Variants in MGAT5 observed in about 807,000 individuals in gnomAD.
The protein encoded by MGAT5 is alpha-1,6-mannosylglycoprotein 6-beta-N-acetylglucosaminyltransferase A.
A neutral mutation model predicts 94.3 loss-of-function variants in MGAT5; 30 were observed. The ratio of observed to expected loss-of-function variants is 0.32; its 90% CI spans 0.24 to 0.43. MGAT5 has a LOEUF of 0.43. MGAT5 is among the 20% of genes least tolerant of loss of function. The pLI, the probability that MGAT5 is intolerant of heterozygous loss-of-function variation, is 1.00. For synonymous variants in MGAT5, 310 were observed against 322.9 expected, an observed-to-expected ratio of 0.96 and a Z score of 0.43; for missense variants, 691 against 905.5, an observed-to-expected ratio of 0.76 and a Z score of 3.04.
At chr2:134,255,227 T>G (rs1361978592) in intron 1 of MGAT5, among the ~76,000 whole-genome samples, 1 of 152,186 alleles carries the variant, frequency 6.6e-6, no homozygotes, top group African/African-American at 2.4e-5. Context: ...TGTGTACTTG[T>G]TGCTTTTTCT....
intron 1 of MGAT5, among the ~76,000 whole-genome samples, chr2:134,264,022 T>TG (rs1327725777): frequency 8.1e-6 from 1 of 122,812 alleles, no homozygotes; most frequent in African/African-American, 3.3e-5. Flanking sequence ...ATTAGGTTTT[T>TG]TTTTTTTTTT....
intron 1 of MGAT5, among the ~76,000 whole-genome samples, chr2:134,151,842 T>A (rs573446216): frequency 7.9e-6 from 1 of 126,512 alleles, no homozygotes; most frequent in Non-Finnish European, 1.6e-5. Flanking sequence ...ACTCACGCCC[T>A]ATGGGACCCG....
At chr2:134,204,845 C>A (rs1334482422) in intron 1 of MGAT5, among the ~76,000 whole-genome samples, 2 of 152,114 alleles carry the variant, frequency 1.3e-5, no homozygotes, top group Non-Finnish European at 2.9e-5. Flanking sequence ...CATCGACAAA[C>A]AATTAAGACT....
intron 1 of MGAT5, among the ~76,000 whole-genome samples, chr2:134,138,626 G>T (rs1686526309): frequency 6.6e-6 from 1 of 152,184 alleles, no homozygotes; most frequent in Admixed American, 6.5e-5. Flanking sequence ...ATGGTAGCTG[G>T]TGTACTGGGA....
intron 1 of MGAT5, among the ~76,000 whole-genome samples, chr2:134,233,560 G>T (rs1399961916): frequency 1.3e-5 from 2 of 152,262 alleles, no homozygotes; most frequent in African/African-American, 4.8e-5. Context: ...AACCACAACT[G>T]CTTTAGAATA....
At chr2:134,152,305 C>T (rs986709246) in intron 1 of MGAT5, among the ~76,000 whole-genome samples, 7 of 102,796 alleles carry the variant, frequency 6.8e-5, no homozygotes, top group African/African-American at 1.9e-4. Context: ...CCATGGGACC[C>T]GCTTATCACT....
chr2:134,231,968 A>G (rs1399495937), intron 1 of MGAT5, among the ~76,000 whole-genome samples: 1 of 152,150 alleles, frequency 6.6e-6, no homozygotes, highest in African/African-American at 2.4e-5. Context: ...GCTCTGTGGA[A>G]GCTTCAGGCA....
At chr2:134,351,759 A>G (rs1446775633) in intron 9 of MGAT5, among the ~76,000 whole-genome samples, 2 of 152,212 alleles carry the variant, frequency 1.3e-5, no homozygotes, top group African/African-American at 4.8e-5. Flanking sequence ...CCTGTATGGC[A>G]AAACAACAAC....
intron 4 of MGAT5, among the ~76,000 whole-genome samples, chr2:134,329,890 C>T (rs1687861342): frequency 6.6e-6 from 1 of 152,148 alleles, no homozygotes; most frequent in South Asian, 2.1e-4. Flanking sequence ...TTACCACTTA[C>T]ATGAGTAGAC....
intron 2 of MGAT5, among the ~76,000 whole-genome samples, chr2:134,289,161 C>G (rs1032035787): frequency 1.3e-5 from 2 of 152,122 alleles, no homozygotes; most frequent in Non-Finnish European, 2.9e-5. Flanking sequence ...TCTGCTTGCC[C>G]TATAGGTTGG....
chr2:134,258,667 C>T (rs964839000), intron 1 of MGAT5, among the ~76,000 whole-genome samples: 28 of 152,274 alleles, frequency 1.8e-4, no homozygotes, highest in Non-Finnish European at 5.9e-5. Context: ...TGTTTGGATT[C>T]GCTCACGACA....
intron 14 of MGAT5, among the ~76,000 whole-genome samples, chr2:134,439,997 C>G (rs1288556642): frequency 6.6e-6 from 1 of 152,202 alleles, no homozygotes; most frequent in Admixed American, 6.5e-5. Flanking sequence ...GAAAAGTAGG[C>G]TACTCTAGAA....
intron 2 of MGAT5, among the ~76,000 whole-genome samples, chr2:134,301,758 A>G (rs958363413): frequency 2.6e-5 from 4 of 152,160 alleles, no homozygotes; most frequent in South Asian, 4.1e-4. Context: ...TAACTGGAGG[A>G]GAATAAGGAC....
intron 1 of MGAT5, among the ~76,000 whole-genome samples, chr2:134,164,352 G>A (rs1687868571): frequency 6.6e-6 from 1 of 152,186 alleles, no homozygotes; most frequent in Non-Finnish European, 1.5e-5. Flanking sequence ...TTGAGAGTTG[G>A]TTGGTTTCCT....
At chr2:134,253,537 C>G (rs1420852823), upstream of MGAT5, among the ~76,000 whole-genome samples, 2 of 152,164 alleles carry the variant, frequency 1.3e-5, no homozygotes, top group East Asian at 3.8e-4. Context: ...AAAGTGAGAA[C>G]CACAGAAAAT....
chr2:134,392,931 C>T (rs368826344), intron 10 of MGAT5, among the ~76,000 whole-genome samples: 1 of 152,262 alleles, frequency 6.6e-6, no homozygotes, highest in African/African-American at 2.4e-5. Context: ...CCACACCACA[C>T]GAAGGCATTG....
chr2:134,304,697 A>G (rs1432429779), intron 2 of MGAT5, among the ~76,000 whole-genome samples: 4 of 152,198 alleles, frequency 2.6e-5, no homozygotes, highest in African/African-American at 9.6e-5. Flanking sequence ...ATGAAGGAAT[A>G]CCTGCTAAGG....
intron 10 of MGAT5, among the ~76,000 whole-genome samples, chr2:134,390,522 A>G (rs1682339606): frequency 6.6e-6 from 1 of 152,180 alleles, no homozygotes; most frequent in Non-Finnish European, 1.5e-5. Context: ...TATAGAAAGG[A>G]ATTATTTTTA....
intron 2 of MGAT5, among the ~76,000 whole-genome samples, chr2:134,272,738 G>T: frequency 6.6e-6 from 1 of 152,196 alleles, no homozygotes; most frequent in Non-Finnish European, 1.5e-5. Context: ...TTGGGAGTGG[G>T]TGACTGTTGG....
Sources: gnomAD v4.1 joint callset for allele counts (sites outside exome capture counted in the v4.1 genomes callset) on GRCh38, gnomAD v4.1.1 for gene constraint, MANE v1.5 for transcripts, NCBI Gene and HGNC (gene_info 2026-07-23, HGNC 2026-07-21) for gene names.